Variants in LIMCH1 observed in about 807,000 individuals in gnomAD.
LIMCH1 encodes LIM and calponin homology domains 1.
A neutral mutation model predicts 176.5 loss-of-function variants in LIMCH1; 113 were observed. The observed-to-expected ratio is 0.64, with a 90% CI of 0.55 to 0.75. The LOEUF (loss-of-function observed/expected upper bound fraction) is 0.75. Among genes scored for constraint, LIMCH1 ranks in the 30% least tolerant of loss-of-function variants. The pLI, the probability that LIMCH1 is intolerant of heterozygous loss-of-function variation, is 0.00. For synonymous variants in LIMCH1, 619 were observed against 645.9 expected (o/e 0.96, Z 0.63); for missense variants, 1,674 against 1,814.9 (o/e 0.92, Z 1.41).
intron 1 of LIMCH1, among the ~76,000 whole-genome samples, chr4:41,364,024 A>T (rs1446999065): frequency 6.6e-6 from 1 of 152,154 alleles, no homozygotes; most frequent in Non-Finnish European, 1.5e-5. Context: ...TTGAGTCCAG[A>T]GTCTGTTACT....
At chr4:41,464,261 T>C (rs2065786436) in intron 1 of LIMCH1, among the ~76,000 whole-genome samples, 1 of 151,812 alleles carries the variant, frequency 6.6e-6, no homozygotes, top group Middle Eastern at 3.2e-3. Flanking sequence ...CTGGGCTGTG[T>C]GCATGCCATC....
intron 1 of LIMCH1, among the ~76,000 whole-genome samples, chr4:41,366,975 G>C (rs577896614): frequency 6.6e-6 from 1 of 152,324 alleles, no homozygotes; most frequent in East Asian, 1.9e-4. Context: ...GGAAGGCAAA[G>C]GGGAAGCAAG....
chr4:41,412,251 C>T (rs376093150), intron 1 of LIMCH1, among the ~76,000 whole-genome samples: 4 of 151,974 alleles, frequency 2.6e-5, no homozygotes, highest in Admixed American at 1.3e-4. Flanking sequence ...CCTCTTGTAG[C>T]CAAATATTTT....
At chr4:41,362,923 A>C (rs147590705) in intron 1 of LIMCH1, among the ~76,000 whole-genome samples, 24 of 152,316 alleles carry the variant, frequency 1.6e-4, no homozygotes, top group Non-Finnish European at 3.1e-4. Flanking sequence ...TTTACCATTC[A>C]TACCAATTTA....
chr4:41,508,025 A>G (rs976950340), intron 2 of LIMCH1, among the ~76,000 whole-genome samples: 3 of 152,204 alleles, frequency 2.0e-5, no homozygotes, highest in Non-Finnish European at 4.4e-5. Context: ...GAGAAGAAAC[A>G]TACTCTAGGG....
At chr4:41,514,862 A>C (rs2075381420) in intron 2 of LIMCH1, among the ~76,000 whole-genome samples, 1 of 152,142 alleles carries the variant, frequency 6.6e-6, no homozygotes, top group Admixed American at 6.5e-5. Flanking sequence ...GTTCTCTTCC[A>C]AGTTACTTGT....
chr4:41,593,930 C>A (rs1177326540), intron 1 of LIMCH1, among the ~76,000 whole-genome samples: 2 of 151,812 alleles, frequency 1.3e-5, no homozygotes, highest in Non-Finnish European at 2.9e-5. Flanking sequence ...ATACTCGCAA[C>A]CTCTCTCTCT....
intron 25 of LIMCH1, among the ~76,000 whole-genome samples, chr4:41,681,433 CATACT>C (rs1715722863): frequency 6.6e-6 from 1 of 152,190 alleles, no homozygotes; most frequent in African/African-American, 2.4e-5. Flanking sequence ...TCCCCTCTGC[CATACT>C]ATACATTCTT....
At position 41,460,455 on chromosome 4, in the gene LIMCH1, C is replaced by CATATATATATATATATATATATATAT. The variant is rs1302547339; in HGVS notation, c.97-34079_97-34078insATATATATATATATATATATATATAT. 4.9e-4 allele frequency among the ~76,000 whole-genome samples: 45 copies of CATATATATATATATATATATATATAT among 92,158 alleles called. 1 individual carries two copies. The highest frequency in any genetic ancestry group is 1.4e-3 in the South Asian group (3 of 2,090). 60.5% of individuals were successfully genotyped at this position (92,158 alleles called of 152,430 possible). On this transcript the variant is annotated intron_variant, in intron 1 of 26. Transcript: ENST00000313860. ...GGTAAATTTGTTCCACTATAGTAAT[C>CATATATATATATATATATATATATAT]ATCTATATATATATATATATATATC... is the stretch of plus-strand genomic sequence containing the variant.
At position 41,611,867 on chromosome 4, in the gene LIMCH1, A is replaced by G. The variant is rs571317640; in HGVS notation, c.10-1599A>G. 6.6e-5 allele frequency among the ~76,000 whole-genome samples: 10 copies of G among 152,294 alleles called. No homozygotes were observed. In the South Asian group the frequency reaches 2.1e-3, roughly 32 times the overall value. ...GAAATTAAATATGAAACCATATCCAATTTGGGTCTATAATTTTCAGTGAGT... is the reference window on the plus strand; with the variant it reads ...GAAATTAAATATGAAACCATATCCAGTTTGGGTCTATAATTTTCAGTGAGT... On this transcript the variant is annotated intron_variant, in intron 4 of 31. Coordinates refer to ENST00000503057, the MANE Select transcript of LIMCH1 (RefSeq NM_001330672.2).
At chr4:41,490,398 C>T (rs1457391044) in intron 1 of LIMCH1, among the ~76,000 whole-genome samples, 1 of 151,362 alleles carries the variant, frequency 6.6e-6, no homozygotes, top group Non-Finnish European at 1.5e-5. Context: ...ACAAAGGTCT[C>T]TGGTTTTCCT....
At chr4:41,537,488 C>T (rs1226818139), upstream of LIMCH1, among the ~76,000 whole-genome samples, 1 of 152,176 alleles carries the variant, frequency 6.6e-6, no homozygotes, top group Non-Finnish European at 1.5e-5. Flanking sequence ...ATTAATCTCC[C>T]AGCAGTGCAG....
At chr4:41,467,158 T>TATATACACACACAC (rs1157542568) in intron 1 of LIMCH1, among the ~76,000 whole-genome samples, 32 of 143,468 alleles carry the variant, frequency 2.2e-4, no homozygotes, top group African/African-American at 7.9e-4. Flanking sequence ...TATGTATATA[T>TATATACACACACAC]ACACACACAC....
At chr4:41,603,658 T>C (rs930110028) in intron 2 of LIMCH1, among the ~76,000 whole-genome samples, 3 of 152,220 alleles carry the variant, frequency 2.0e-5, no homozygotes, top group Non-Finnish European at 2.9e-5. Flanking sequence ...TATAGCGTAC[T>C]GTGGAACTTT....
chr4:41,543,602 C>T (rs1244768565), intron 1 of LIMCH1, among the ~76,000 whole-genome samples: 1 of 152,050 alleles, frequency 6.6e-6, no homozygotes, highest in African/African-American at 2.4e-5. Context: ...TCATTTTGAC[C>T]ACCTTATGAG....
Position 41,646,761 on chromosome 4 carries a change from T to C in LIMCH1, c.2688T>C (p.Ser896=). ...TTGAAACCACCATTGCTCGTGCCAG[T>C]GTTCTGGATACCAGCATGTCAGCAG... The part of the protein sequence containing the change: ...ATVETTIARA[S]VLDTSMSAGS... Residue 896 remains serine, a synonymous_variant, in exon 17 of 32, where the codon AGT becomes AGC. Coordinates refer to ENST00000503057, the MANE Select transcript of LIMCH1 (RefSeq NM_001330672.2). 15 of 1,614,180 alleles carry C rather than the reference T, an allele frequency of 9.3e-6. No homozygotes were observed. The highest frequency in any genetic ancestry group is 1.3e-5 in the Non-Finnish European group (15 of 1,180,036).
chr4:41,412,481 A>C (rs988300242), intron 1 of LIMCH1, among the ~76,000 whole-genome samples: 1 of 152,184 alleles, frequency 6.6e-6, no homozygotes, highest in African/African-American at 2.4e-5. Context: ...TTATAGTCAT[A>C]GGGGGAAATA....
intron 1 of LIMCH1, among the ~76,000 whole-genome samples, chr4:41,367,843 GGCGGCAGT>G (rs1352337493): frequency 4.0e-5 from 6 of 149,696 alleles, no homozygotes; most frequent in Non-Finnish European, 7.4e-5. Flanking sequence ...CTCCAGCCTG[GGCGGCAGT>G]GCGAGACTCC....
At chr4:41,580,039 C>A (rs2085153434) in intron 1 of LIMCH1, among the ~76,000 whole-genome samples, 1 of 152,176 alleles carries the variant, frequency 6.6e-6, no homozygotes, top group Non-Finnish European at 1.5e-5. Flanking sequence ...CAGGCAGGTA[C>A]AATTTACATT....
Sources: gnomAD v4.1 joint callset for allele counts (sites outside exome capture counted in the v4.1 genomes callset) on GRCh38, gnomAD v4.1.1 for gene constraint, MANE v1.5 for transcripts, NCBI Gene and HGNC (gene_info 2026-07-23, HGNC 2026-07-21) for gene names.